GMDS: variants seen among roughly 807,000 people sequenced by gnomAD.
GMDS encodes GDP-mannose 4,6-dehydratase.
A neutral mutation model predicts 49.9 loss-of-function variants in GMDS; 20 were observed. The ratio of observed to expected loss-of-function variants is 0.40; its 90% CI spans 0.28 to 0.58. The LOEUF (loss-of-function observed/expected upper bound fraction) is 0.58. GMDS is among the 20% of genes least tolerant of loss of function. GMDS has a pLI of 0.42. For synonymous variants in GMDS, 177 were observed against 178.6 expected, an observed-to-expected ratio of 0.99 and a Z score of 0.07; for missense variants, 362 against 481.4, an observed-to-expected ratio of 0.75 and a Z score of 2.32.
At chr6:1,800,432 C>T (rs529440464) in intron 7 of GMDS, among the ~76,000 whole-genome samples, 1 of 151,848 alleles carries the variant, frequency 6.6e-6, no homozygotes, top group African/African-American at 2.4e-5. Flanking sequence ...TACTCACAAC[C>T]ATTTCTTTTC....
At chr6:2,208,093 G>A (rs1391413299) in intron 1 of GMDS, among the ~76,000 whole-genome samples, 2 of 151,862 alleles carry the variant, frequency 1.3e-5, no homozygotes, top group Admixed American at 1.3e-4. Context: ...AGGTGAAGCT[G>A]TGCATAAGTT....
At chr6:2,049,112 TC>T (rs1419542484) in intron 4 of GMDS, among the ~76,000 whole-genome samples, 1 of 152,210 alleles carries the variant, frequency 6.6e-6, no homozygotes, top group Non-Finnish European at 1.5e-5. Flanking sequence ...TCTTGTGACT[TC>T]CCGGCCTCCA....
At chr6:1,743,900 T>TAA (rs1767385268) in intron 7 of GMDS, among the ~76,000 whole-genome samples, 1 of 152,050 alleles carries the variant, frequency 6.6e-6, no homozygotes, top group Non-Finnish European at 1.5e-5. Context: ...ATAAAATAGG[T>TAA]AAAAACAGTA....
chr6:2,120,887 T>C (rs1427650528), intron 2 of GMDS, among the ~76,000 whole-genome samples: 1 of 152,236 alleles, frequency 6.6e-6, no homozygotes, highest in African/African-American at 2.4e-5. Flanking sequence ...CTATTAAAGA[T>C]CTGTGTCCAC....
intron 4 of GMDS, among the ~76,000 whole-genome samples, chr6:2,115,187 G>A (rs762590943): frequency 6.6e-6 from 1 of 152,170 alleles, no homozygotes; most frequent in Non-Finnish European, 1.5e-5. Flanking sequence ...CCCTAAGGAT[G>A]GGCCTGTGAT....
intron 7 of GMDS, among the ~76,000 whole-genome samples, chr6:1,808,904 C>CTCTG (rs1554121842): frequency 7.4e-5 from 11 of 149,326 alleles, no homozygotes; most frequent in African/African-American, 2.2e-4. Context: ...CATGCTCTCT[C>CTCTG]TGTGTGTGTG....
intron 7 of GMDS, among the ~76,000 whole-genome samples, chr6:1,908,492 T>C (rs1003199228): frequency 1.3e-5 from 2 of 152,228 alleles, no homozygotes; most frequent in Non-Finnish European, 2.9e-5. Context: ...AAAGATATTT[T>C]CTTGAATCAA....
At chr6:2,030,964 C>G (rs1041968095) in intron 4 of GMDS, among the ~76,000 whole-genome samples, 7 of 152,160 alleles carry the variant, frequency 4.6e-5, no homozygotes, top group African/African-American at 1.7e-4. Flanking sequence ...ATTACTGTAT[C>G]AACTCTCTCA....
intron 7 of GMDS, among the ~76,000 whole-genome samples, chr6:1,826,417 C>T (rs1415868778): frequency 6.6e-6 from 1 of 152,100 alleles, no homozygotes; most frequent in African/African-American, 2.4e-5. Context: ...TACAAATAGA[C>T]ATAAAATTTA....
At chr6:1,703,291 A>AG (rs1465282589) in intron 9 of GMDS, among the ~76,000 whole-genome samples, 2 of 152,016 alleles carry the variant, frequency 1.3e-5, no homozygotes, top group African/African-American at 4.8e-5. Flanking sequence ...GCTCTTCCTC[A>AG]GGGAGAGCAG....
At chr6:1,674,660 G>A (rs1418934578) in intron 9 of GMDS, among the ~76,000 whole-genome samples, 40 of 134,498 alleles carry the variant, frequency 3.0e-4, no homozygotes, top group African/African-American at 9.8e-4. Flanking sequence ...TCAACCTCCC[G>A]GGCTCAAGCT....
chr6:1,935,514 T>C lies in GMDS; in HGVS notation c.644-5284A>G, dbSNP rs1297246077. On this transcript the variant is annotated intron_variant, in intron 6 of 10. Transcript: ENST00000380815. ...AGTCTCAATGGAAAGTTAAGATTTC[T>C]TAGTTCTTTTATTAATAGATGACTA... is the stretch of plus-strand genomic sequence containing the variant. Among the ~76,000 whole-genome samples the C allele has an allele frequency of 2.0e-5, 3 of 152,214 alleles. No homozygotes were observed. The East Asian group carries it at 5.8e-4, about 29-fold the overall frequency.
intron 7 of GMDS, among the ~76,000 whole-genome samples, chr6:1,897,016 T>C (rs963618573): frequency 6.6e-6 from 1 of 152,144 alleles, no homozygotes; most frequent in African/African-American, 2.4e-5. Flanking sequence ...ATGGAGCTCA[T>C]ATCAACAAAG....
chr6:2,077,523 A>G (rs1417608558), intron 4 of GMDS, among the ~76,000 whole-genome samples: 2 of 152,020 alleles, frequency 1.3e-5, no homozygotes, highest in Non-Finnish European at 1.5e-5. Context: ...TGCTTTTTCT[A>G]CAACTATTGA....
intron 1 of GMDS, among the ~76,000 whole-genome samples, chr6:2,216,351 G>A (rs1044702182): frequency 6.6e-6 from 1 of 152,190 alleles, no homozygotes; most frequent in Admixed American, 6.5e-5. Flanking sequence ...TACATTATAA[G>A]TTATTTTGAA....
intron 4 of GMDS, among the ~76,000 whole-genome samples, chr6:2,076,353 C>G (rs1461165909): frequency 6.6e-6 from 1 of 152,088 alleles, no homozygotes; most frequent in Admixed American, 6.6e-5. Flanking sequence ...TTTATAGATT[C>G]AATGCCATCC....
chr6:2,037,807 A>G (rs1181343960), intron 4 of GMDS, among the ~76,000 whole-genome samples: 1 of 152,202 alleles, frequency 6.6e-6, no homozygotes, highest in Non-Finnish European at 1.5e-5. Flanking sequence ...GGCAACCTGC[A>G]CATGGTTTCT....
chr6:2,158,543 T>A (rs1420464404), intron 1 of GMDS, among the ~76,000 whole-genome samples: 1 of 152,226 alleles, frequency 6.6e-6, no homozygotes, highest in Non-Finnish European at 1.5e-5. Flanking sequence ...GAAGTGATAA[T>A]GTTTCAGAAG....
At chr6:2,087,175 G>C (rs982717489) in intron 4 of GMDS, among the ~76,000 whole-genome samples, 14 of 152,182 alleles carry the variant, frequency 9.2e-5, no homozygotes, top group Non-Finnish European at 2.1e-4. Context: ...GGGATCCTCA[G>C]AAGTTCTGAC....
Sources: allele counts gnomAD v4.1 joint callset (sites outside exome capture counted in the v4.1 genomes callset), GRCh38; gene constraint gnomAD v4.1.1; transcripts MANE v1.5; gene names NCBI Gene and HGNC (gene_info 2026-07-23, HGNC 2026-07-21).